Variants in PTPRD observed in about 807,000 individuals in gnomAD.
The protein encoded by PTPRD is protein tyrosine phosphatase receptor type D.
A neutral mutation model predicts 214.5 loss-of-function variants in PTPRD; 34 were observed. The observed-to-expected ratio is 0.16, with a 90% confidence interval of 0.12 to 0.21. The LOEUF (loss-of-function observed/expected upper bound fraction) is 0.21, where lower values mean the gene tolerates loss of function less well. Ranked by LOEUF, PTPRD falls within the 10% of genes least tolerant of loss-of-function variation. The pLI, the probability that PTPRD is intolerant of heterozygous loss-of-function variation, is 1.00. For missense variants in PTPRD, 2,545 were observed against 2,398.7 expected, an observed-to-expected ratio of 1.06 and a Z score of -1.27; for synonymous variants, 1,128 against 845.7, an observed-to-expected ratio of 1.33 and a Z score of -5.79.
chr9:8,708,290 G>C lies in PTPRD; in HGVS notation c.64+25490C>G, dbSNP rs192999110. On this transcript the variant is annotated intron_variant, in intron 12 of 45. Coordinates refer to ENST00000381196, the MANE Select transcript of PTPRD (RefSeq NM_002839.4). ...AAAGGTAGGTGTTGGTGAGGATGTG[G>C]AGAAAAGGGAACCCATACACGCTAC... Among the ~76,000 whole-genome samples, 331 of 152,260 alleles carry C rather than the reference G, an allele frequency of 2.2e-3. 1 individual carries two copies. The highest frequency in any genetic ancestry group is 7.8e-3 in the African/African-American group (324 of 41,546).
intron 11 of PTPRD, among the ~76,000 whole-genome samples, chr9:8,846,776 T>A (rs1454592776): frequency 2.0e-5 from 3 of 152,020 alleles, no homozygotes; most frequent in Non-Finnish European, 4.4e-5. Context: ...TATGGCAAGG[T>A]GGCAAGAGAC....
intron 4 of PTPRD, among the ~76,000 whole-genome samples, chr9:9,973,928 T>G (rs550796531): frequency 6.6e-6 from 1 of 152,324 alleles, no homozygotes; most frequent in East Asian, 1.9e-4. Context: ...ACAAGCTTTC[T>G]ATACCACTGA....
In PTPRD at chr9:9,981,354, AT is replaced by A. The variant is rs1555426883; in HGVS notation, c.-471-42745del. On this transcript the variant is annotated intron_variant, in intron 4 of 45. Transcript: ENST00000381196. ...TTAAAACATATACTCACATTAAACA[AT>A]TTTTTTTTTTTTTTTTTAAGACAGA... Among the ~76,000 whole-genome samples, 964 of 138,144 alleles carry A rather than the reference AT, an allele frequency of 7.0e-3. 11 individuals are homozygous for A. Among genetic ancestry groups the A allele is most frequent in the African/African-American group, 0.022 (815 of 37,190 alleles). The allele number at this position is 138,144 out of a possible 152,430, so 90.6% of individuals were successfully genotyped here.
At chr9:9,556,741 C>T (rs2081611210) in intron 8 of PTPRD, among the ~76,000 whole-genome samples, 1 of 152,164 alleles carries the variant, frequency 6.6e-6, no homozygotes, top group Admixed American at 6.5e-5. Context: ...CAAGTTACAT[C>T]CAAACTTCAA....
chr9:9,941,631 A>T (rs139386892), intron 4 of PTPRD, among the ~76,000 whole-genome samples: 3 of 152,122 alleles, frequency 2.0e-5, no homozygotes, highest in African/African-American at 4.8e-5. Context: ...CCAAATGTGT[A>T]TATCTATAAT....
chr9:9,992,230 A>C (rs954615797), intron 4 of PTPRD, among the ~76,000 whole-genome samples: 4 of 152,214 alleles, frequency 2.6e-5, no homozygotes, highest in Admixed American at 1.3e-4. Flanking sequence ...CAATGATTGA[A>C]CTATATGTGA....
chr9:10,593,366 C>T lies in PTPRD; in HGVS notation c.-600+19032G>A, dbSNP rs150024357. 8.8e-4 allele frequency among the ~76,000 whole-genome samples: 134 copies of T among 151,994 alleles called. 2 individuals are homozygous for T. In the East Asian group the frequency reaches 0.022, roughly 25 times the overall value. Reference sequence around the variant, plus strand: ...CAGCACATGTAAGAGTGATTACTCACGAGGACATAAAGAAATAAAATATTG... The same window carrying T: ...CAGCACATGTAAGAGTGATTACTCATGAGGACATAAAGAAATAAAATATTG... On this transcript the variant is annotated intron_variant, in intron 2 of 45. Transcript: ENST00000381196.
chr9:10,257,586 A>G (rs1164462776), intron 3 of PTPRD, among the ~76,000 whole-genome samples: 1 of 152,214 alleles, frequency 6.6e-6, no homozygotes, highest in Non-Finnish European at 1.5e-5. Flanking sequence ...TCCTAAATCA[A>G]AATGATTTAT....
intron 24 of PTPRD, 32 bp downstream of exon 24, chr9:8,500,722 G>A (rs2136941250): frequency 6.2e-7 from 1 of 1,605,152 alleles, no homozygotes; most frequent in Non-Finnish European, 8.5e-7. Flanking sequence ...TGTGTCAGAA[G>A]GGTGCAAACT....
chr9:10,402,158 T>A (rs1267889736), intron 2 of PTPRD, among the ~76,000 whole-genome samples: 1 of 151,736 alleles, frequency 6.6e-6, no homozygotes, highest in Non-Finnish European at 1.5e-5. Context: ...GGCCAGCCAC[T>A]GTTTCACAGA....
intron 10 of PTPRD, among the ~76,000 whole-genome samples, chr9:9,034,342 A>C (rs2099615000): frequency 6.6e-6 from 1 of 152,136 alleles, no homozygotes; most frequent in Admixed American, 6.6e-5. Context: ...ATGGAGTCCC[A>C]GCTCTTCCAC....
At chr9:9,248,503 T>C (rs932015517) in intron 9 of PTPRD, among the ~76,000 whole-genome samples, 1 of 152,120 alleles carries the variant, frequency 6.6e-6, no homozygotes, top group African/African-American at 2.4e-5. Context: ...GGGCAACATT[T>C]AGTAAGCAAT....
At chr9:8,600,278 A>G (rs2094765209) in intron 14 of PTPRD, among the ~76,000 whole-genome samples, 1 of 152,194 alleles carries the variant, frequency 6.6e-6, no homozygotes, top group Non-Finnish European at 1.5e-5. Context: ...CACAAGCCTC[A>G]CCATCACAGG....
chr9:10,102,073 C>A (rs972399181), intron 3 of PTPRD, among the ~76,000 whole-genome samples: 2 of 151,624 alleles, frequency 1.3e-5, no homozygotes, highest in Non-Finnish European at 2.9e-5. Context: ...TAAATTTTTA[C>A]CCATTTTGTT....
chr9:9,213,614 T>C (rs891449967), intron 9 of PTPRD, among the ~76,000 whole-genome samples: 1 of 152,122 alleles, frequency 6.6e-6, no homozygotes, highest in Admixed American at 6.6e-5. Flanking sequence ...TATAAAGGTA[T>C]AAATTTTAGT....
intron 2 of PTPRD, among the ~76,000 whole-genome samples, chr9:10,468,519 G>T (rs2099009385): frequency 6.6e-6 from 1 of 152,072 alleles, no homozygotes; most frequent in African/African-American, 2.4e-5. Flanking sequence ...GCCAGGGGAG[G>T]GATAGCATTA....
intron 34 of PTPRD, among the ~76,000 whole-genome samples, chr9:8,445,837 TA>T (rs1009492817): frequency 1.1e-4 from 17 of 152,146 alleles, no homozygotes; most frequent in African/African-American, 3.9e-4. Flanking sequence ...ATCTTAATGC[TA>T]AAAAAGACCA....
rs199799750 is a variant in PTPRD, at chr9:8,341,272, T to C, written c.4948-4A>G. 588 of 1,567,478 alleles carry C rather than the reference T, an allele frequency of 3.8e-4. 1 individual carries two copies. Among genetic ancestry groups the C allele is most frequent in the Non-Finnish European group, 4.6e-4 (536 of 1,162,470 alleles). On this transcript the variant is annotated splice_polypyrimidine_tract_variant and splice_region_variant and intron_variant, in intron 40 of 45. Transcript: ENST00000381196. ...GAGCTTTTGAGCTGGCTAGACGCTG[T>C]TGAATAGGAAAAAAAAAAAAGGAAA...
intron 10 of PTPRD, among the ~76,000 whole-genome samples, chr9:9,150,062 G>C (rs1056675809): frequency 1.3e-5 from 2 of 152,172 alleles, no homozygotes; most frequent in South Asian, 4.1e-4. Flanking sequence ...TGTCACCGGA[G>C]TCCCTAACAT....
Sources: gnomAD v4.1 joint callset for allele counts (sites outside exome capture counted in the v4.1 genomes callset) on GRCh38, gnomAD v4.1.1 for gene constraint, MANE v1.5 for transcripts, NCBI Gene and HGNC (gene_info 2026-07-23, HGNC 2026-07-21) for gene names.